Variants in RAI1 observed in about 807,000 individuals in gnomAD.
RAI1 encodes the protein retinoic acid induced 1, also known as retinoic acid-induced protein 1.
Under a neutral mutation model 123.8 loss-of-function variants are expected in RAI1, and 9 were observed. That is an observed-to-expected ratio of 0.07 (90% CI 0.04 to 0.13). The LOEUF is 0.13. Among genes scored for constraint, RAI1 ranks in the 10% least tolerant of loss-of-function variants. The pLI is 1.00. For missense variants in RAI1, 2,256 were observed against 2,545.8 expected, an observed-to-expected ratio of 0.89 and a Z score of 2.45; for synonymous variants, 1,231 against 1,127.3, an observed-to-expected ratio of 1.09 and a Z score of -1.84.
intron 2 of RAI1, among the ~76,000 whole-genome samples, chr17:17,752,876 C>G (rs960693592): frequency 6.6e-6 from 1 of 152,236 alleles, no homozygotes; most frequent in Admixed American, 6.5e-5. Context: ...GCACTCTCCG[C>G]CCTCATCACA....
At chr17:17,720,659 T>C in intron 1 of RAI1, among the ~76,000 whole-genome samples, 1 of 152,202 alleles carries the variant, frequency 6.6e-6, no homozygotes, top group Middle Eastern at 3.2e-3. Flanking sequence ...GCAAAGAATC[T>C]TGAAATTGAG....
chr17:17,743,610 G>T (rs1007928693), intron 2 of RAI1, among the ~76,000 whole-genome samples: 2 of 152,214 alleles, frequency 1.3e-5, no homozygotes, highest in African/African-American at 4.8e-5. Flanking sequence ...CCCCACACAC[G>T]TGGTTTCTCT....
chr17:17,747,993 G>T (rs1433280147), intron 2 of RAI1, among the ~76,000 whole-genome samples: 2 of 152,232 alleles, frequency 1.3e-5, no homozygotes, highest in Non-Finnish European at 2.9e-5. Context: ...GAGCCTGGGA[G>T]GTCGAGGCTA....
chr17:17,761,906 CA>C (rs2030713432), intron 2 of RAI1, among the ~76,000 whole-genome samples: 1 of 152,028 alleles, frequency 6.6e-6, no homozygotes, highest in African/African-American at 2.4e-5. Flanking sequence ...GGTCTCAGGA[CA>C]GGGGGCCCAG....
chr17:17,692,051 C>A (rs1021489038), intron 1 of RAI1, among the ~76,000 whole-genome samples: 1 of 152,218 alleles, frequency 6.6e-6, no homozygotes, highest in Admixed American at 6.5e-5. Flanking sequence ...GACGTTTTGC[C>A]AAATCAGACT....
intron 2 of RAI1, among the ~76,000 whole-genome samples, chr17:17,755,244 G>A (rs562738118): frequency 2.0e-5 from 3 of 152,220 alleles, no homozygotes; most frequent in African/African-American, 7.2e-5. Flanking sequence ...AGGGCCCAGC[G>A]CATGGTGTGT....
At position 17,803,764 on chromosome 17, in the gene RAI1, C is replaced by T. The variant is rs745411024; in HGVS notation, c.5574C>T (p.Ser1858=). Residue 1858 remains serine (S), a synonymous_variant, in exon 4 of 6, where the codon TCC becomes TCT. Coordinates refer to ENST00000353383, the MANE Select transcript of RAI1 (RefSeq NM_030665.4). ...AMKVAVDMMC[S]SCQEAGATIG... ...TCCTTTCTCTTCATCAGATGTGTTC[C>T]AGCTGCCAAGAAGCCGGGGCCACCA... The T allele has an allele frequency of 3.7e-6, 6 of 1,613,328 alleles. No homozygotes were observed. Among genetic ancestry groups the T allele is most frequent in the Non-Finnish European group, 5.1e-6 (6 of 1,179,820 alleles).
Position 17,794,022 on chromosome 17 carries a change from C to T in RAI1, c.1074C>T (p.Ser358=), listed in dbSNP as rs769221818. ...RSVGRSPSYS[S]TPSPLMPNLE... Reference sequence around the variant, plus strand: ...TGGGCCGCTCACCTTCCTACAGTTCCACACCGTCGCCGCTGATGCCAAACC... The same window carrying T: ...TGGGCCGCTCACCTTCCTACAGTTCTACACCGTCGCCGCTGATGCCAAACC... The change falls in exon 3 of 6, where the codon TCC becomes TCT. Residue 358 remains serine, a synonymous_variant. Transcript: ENST00000353383. The T allele has an allele frequency of 6.2e-7, 1 of 1,613,948 alleles. No individual in the cohort carries two copies. The highest frequency in any genetic ancestry group is 8.5e-7 in the Non-Finnish European group (1 of 1,180,024).
In RAI1 at chr17:17,798,286, C is replaced by T. The variant is rs577343436; in HGVS notation, c.5338C>T (p.Leu1780=). 6.3e-6 allele frequency: 10 copies of T among 1,596,678 alleles called. No homozygotes were observed. In the East Asian group the frequency reaches 2.3e-4, roughly 36 times the overall value. ...RTSARGLSRR[L]QSCYCCDGRE... ...CAGTGCCCGGGGCCTGTCCCGGAGG[C>T]TGCAGAGCTGCTACTGCTGTGATGG... The change falls in exon 3 of 6, where the codon CTG becomes TTG. Residue 1780 remains leucine (L), a synonymous_variant. Transcript: ENST00000353383.
intron 3 of RAI1, 22 bp downstream of exon 3, chr17:17,798,535 GGTGGGGAGT>G: frequency 6.3e-7 from 1 of 1,597,742 alleles, no homozygotes; most frequent in Non-Finnish European, 8.5e-7. Context: ...GCCCAGCCAG[GGTGGGGAGT>G]GTGGGGTTCC....
chr17:17,744,580 C>T (rs1252273093), intron 2 of RAI1, among the ~76,000 whole-genome samples: 2 of 152,058 alleles, frequency 1.3e-5, no homozygotes, highest in Admixed American at 6.5e-5. Flanking sequence ...ATCACGAGGT[C>T]AGGAGTTCGA....
chr17:17,759,721 A>T (rs186358971), intron 2 of RAI1, among the ~76,000 whole-genome samples: 10 of 152,344 alleles, frequency 6.6e-5, no homozygotes, highest in African/African-American at 2.4e-4. Context: ...GCTTGTCTTC[A>T]AGGGCAGAGG....
At position 17,797,460 on chromosome 17, in the gene RAI1, G is replaced by T. The variant is rs117995220; in HGVS notation, c.4512G>T (p.Leu1504=). ...GGGKKPKMEE[L]GLASQPPEGR... ...GCAAGAAGCCAAAGATGGAGGAGCT[G>T]GGCCTGGCCTCCCAGCCCCCGGAGG... is the stretch of plus-strand genomic sequence containing the variant. Residue 1504 remains leucine (L), a synonymous_variant, in exon 3 of 6, where the codon CTG becomes CTT. Transcript: ENST00000353383. The T allele has an allele frequency of 6.5e-3, 10,497 of 1,613,362 alleles. 43 individuals are homozygous for T. Among genetic ancestry groups the T allele is most frequent in the Middle Eastern group, 7.4e-3 (45 of 6,062 alleles).
intron 1 of RAI1, among the ~76,000 whole-genome samples, chr17:17,691,203 T>C (rs1444656020): frequency 6.6e-6 from 1 of 152,100 alleles, no homozygotes; most frequent in Admixed American, 6.6e-5. Context: ...GGAGACATTT[T>C]TGGTTGTCTC....
At chr17:17,684,704 A>ATATATATATATATG (rs1258508625) in intron 1 of RAI1, 40 of 119,486 alleles carry the variant, frequency 3.3e-4, no homozygotes, top group East Asian at 2.5e-3. Context: ...ATATATATAT[A>ATATATATATATATG]TATGTATGTA....
intron 2 of RAI1, among the ~76,000 whole-genome samples, chr17:17,780,280 G>C (rs1241861740): frequency 6.6e-6 from 1 of 151,884 alleles, no homozygotes; most frequent in African/African-American, 2.4e-5. Context: ...TTGCCAGGCT[G>C]GTCTCAAACT....
Position 17,753,628 on chromosome 17 carries a change from G to A in RAI1, c.-17+29469G>A, listed in dbSNP as rs78761694. Among the ~76,000 whole-genome samples the A allele has an allele frequency of 3.1e-3, 472 of 152,358 alleles. 2 individuals are homozygous for A. The highest frequency in any genetic ancestry group is 0.011 in the African/African-American group (450 of 41,584). ...AACCACCCCGAAGTTTGTACTAGGA[G>A]CAGATTCCTGGGCTCAGGCCACCCT... is the stretch of plus-strand genomic sequence containing the variant. On this transcript the variant is annotated intron_variant, in intron 2 of 5. Coordinates refer to ENST00000353383, the MANE Select transcript of RAI1 (RefSeq NM_030665.4).
At chr17:17,720,507 A>G (rs533709945) in intron 1 of RAI1, among the ~76,000 whole-genome samples, 3 of 152,178 alleles carry the variant, frequency 2.0e-5, no homozygotes, top group South Asian at 2.1e-4. Flanking sequence ...TGCTGGCACC[A>G]TGATCCCATG....
intron 2 of RAI1, among the ~76,000 whole-genome samples, chr17:17,766,931 G>T (rs1299479618): frequency 6.6e-6 from 1 of 151,976 alleles, no homozygotes. Context: ...TGGGTTGCGA[G>T]CAGGAGAGGG....
Sources: gnomAD v4.1 joint callset for allele counts (sites outside exome capture counted in the v4.1 genomes callset) on GRCh38, gnomAD v4.1.1 for gene constraint, MANE v1.5 for transcripts, NCBI Gene and HGNC (gene_info 2026-07-23, HGNC 2026-07-21) for gene names.